FLYWCH2: variants seen among roughly 807,000 people sequenced by gnomAD.
FLYWCH2 encodes the protein FLYWCH family member 2.
FLYWCH2 carries 2 observed loss-of-function variants against 6.0 expected under a neutral mutation model. That is an observed-to-expected ratio of 0.33 (90% confidence interval 0.14 to 1.04). FLYWCH2 has a LOEUF of 1.04. FLYWCH2 is among the 50% of genes least tolerant of loss of function. The pLI is 0.45. For synonymous variants in FLYWCH2, 87 were observed against 79.3 expected, an observed-to-expected ratio of 1.10 and a Z score of -0.52; for missense variants, 192 against 183.4, an observed-to-expected ratio of 1.05 and a Z score of -0.27.
chr16:2,895,724 G>T (rs527903742), intron 2 of FLYWCH2, among the ~76,000 whole-genome samples: 1 of 152,380 alleles, frequency 6.6e-6, no homozygotes, highest in East Asian at 1.9e-4. Context: ...GCAGTGCTAT[G>T]GTCTGCAAAG....
At chr16:2,894,619 C>T (rs967744448) in intron 1 of FLYWCH2, among the ~76,000 whole-genome samples, 2 of 152,208 alleles carry the variant, frequency 1.3e-5, no homozygotes, top group Admixed American at 6.5e-5. Flanking sequence ...CGGAGGCGGA[C>T]GGATAACGCG....
At chr16:2,890,222 G>C (rs914970116) in intron 1 of FLYWCH2, among the ~76,000 whole-genome samples, 3 of 107,598 alleles carry the variant, frequency 2.8e-5, no homozygotes, top group African/African-American at 1.1e-4. Context: ...GTGTTTTTTT[G>C]TTTTTGTTTT....
chr16:2,891,704 T>G (rs2150846992), intron 1 of FLYWCH2, among the ~76,000 whole-genome samples: 1 of 149,708 alleles, frequency 6.7e-6, no homozygotes, highest in Admixed American at 6.8e-5. Flanking sequence ...GCGCCTGGCC[T>G]CTCTCTTTTA....
Position 2,899,265 on chromosome 16 carries a change from TTTC to T in FLYWCH2, c.*119_*121del, listed in dbSNP as rs1395408891. The T allele has an allele frequency of 5.9e-6, 3 of 504,474 alleles. No individual in the cohort carries two copies. The highest frequency in any genetic ancestry group is 2.4e-5 in the African/African-American group (1 of 42,502). The allele number at this position is 504,474 out of a possible 1,614,324, so 31.2% of individuals were successfully genotyped here. A position where few individuals can be genotyped will look rare whatever the true frequency, so the allele number is the denominator to read the frequency against. Reference sequence around the variant, plus strand: ...TTGCTTTTAACATTGTGTGATTTCTTTTCTTTTTTTTTTTTTTTTTAGATCAAG... The same window carrying T: ...TTGCTTTTAACATTGTGTGATTTCTTTTTTTTTTTTTTTTTTTAGATCAAG... On this transcript the variant is annotated 3_prime_UTR_variant, in exon 4 of 4. Coordinates refer to ENST00000396958, the MANE Select transcript of FLYWCH2 (RefSeq NM_138439.3).
Position 2,899,289 on chromosome 16 carries a change from TCAAGTATAAG to T in FLYWCH2, c.*141_*150del. The T allele has an allele frequency of 1.9e-6, 1 of 526,552 alleles. No homozygotes were observed. Among genetic ancestry groups the T allele is most frequent in the Non-Finnish European group, 3.3e-6 (1 of 306,646 alleles). 32.6% of individuals were successfully genotyped at this position (526,552 alleles called of 1,614,324 possible). ...TTTTCTTTTTTTTTTTTTTTTTAGATCAAGTATAAGTTACTTTTGTAAGCAGAAAAATACT... is the reference window on the plus strand; with the variant it reads ...TTTTCTTTTTTTTTTTTTTTTTAGATTTACTTTTGTAAGCAGAAAAATACT... On this transcript the variant is annotated 3_prime_UTR_variant, in exon 4 of 4. Transcript: ENST00000396958.
intron 1 of FLYWCH2, among the ~76,000 whole-genome samples, chr16:2,884,562 A>AAAAAAAAAAAAAAAC (rs2069675497): frequency 7.1e-6 from 1 of 141,520 alleles, no homozygotes; most frequent in Non-Finnish European, 1.5e-5. Context: ...CTCTACTAAA[A>AAAAAAAAAAAAAAAC]AAAAAAAAAA....
intron 3 of FLYWCH2, 47 bp from the exon 4 acceptor site, chr16:2,899,002 C>T (rs377269240): frequency 2.7e-5 from 41 of 1,517,566 alleles, no homozygotes; most frequent in Non-Finnish European, 3.4e-5. Flanking sequence ...AAGCTGAGCC[C>T]TCCCATCTCC....
intron 1 of FLYWCH2, among the ~76,000 whole-genome samples, chr16:2,888,112 A>G (rs558820061): frequency 2.0e-5 from 3 of 152,030 alleles, no homozygotes; most frequent in African/African-American, 7.2e-5. Context: ...GGGTTCTAGC[A>G]ATTCTCCTGC....
Position 2,883,215 on chromosome 16 carries a change from A to G in FLYWCH2, c.-351A>G, listed in dbSNP as rs1244584120. 2 of 152,288 alleles carry G rather than the reference A, an allele frequency of 1.3e-5. No individual in the cohort carries two copies. The highest frequency in any genetic ancestry group is 6.5e-5 in the Admixed American group (1 of 15,284). 9.4% of individuals were successfully genotyped at this position (152,288 alleles called of 1,614,324 possible). ...AAGACGCGGAGGAGCGGCCCCAGCC[A>G]GAAGACAGGGCACCCGCGGCCTTGC... On this transcript the variant is annotated 5_prime_UTR_variant, in exon 1 of 4. Coordinates refer to ENST00000396958, the MANE Select transcript of FLYWCH2 (RefSeq NM_138439.3).
At chr16:2,891,391 C>A (rs1289717524) in intron 1 of FLYWCH2, among the ~76,000 whole-genome samples, 3 of 152,122 alleles carry the variant, frequency 2.0e-5, no homozygotes, top group South Asian at 2.1e-4. Context: ...CTCTCTCTCT[C>A]TATTTTATTT....
In FLYWCH2 at chr16:2,899,145, T is replaced by G; in HGVS notation, c.419T>G (p.Leu140Arg). Residue 140 changes from leucine (L) to arginine (R), a missense_variant, in exon 4 of 4, where the codon CTG becomes CGG. Coordinates refer to ENST00000396958, the MANE Select transcript of FLYWCH2 (RefSeq NM_138439.3). The stretch of plus-strand genomic sequence containing the variant: ...TGCTCTGTGGCGCCCGGCAAGTCCC[T>G]GTAACCTTGACAACAGGCGCATCCT... The part of the protein sequence containing the change: ...APCSVAPGKS[L>R] 6.2e-7 allele frequency: 1 copy of G among 1,612,238 alleles called. No individual in the cohort carries two copies. Among genetic ancestry groups the G allele is most frequent in the Non-Finnish European group, 8.5e-7 (1 of 1,179,182 alleles).
At chr16:2,886,400 G>T in intron 1 of FLYWCH2, among the ~76,000 whole-genome samples, 1 of 150,276 alleles carries the variant, frequency 6.7e-6, no homozygotes, top group Non-Finnish European at 1.5e-5. Context: ...TAGAGACAGG[G>T]TTTCACTATG....
chr16:2,899,031 C>T lies in FLYWCH2; in HGVS notation c.323-18C>T, dbSNP rs1186992820. ...CATCTCCATTGACACCAGCCTGATCCACCCTCTTCTCTCGCAGGCACAGAC... is the reference window on the plus strand; with the variant it reads ...CATCTCCATTGACACCAGCCTGATCTACCCTCTTCTCTCGCAGGCACAGAC... On this transcript the variant is annotated intron_variant, in intron 3 of 3. Coordinates refer to ENST00000396958, the MANE Select transcript of FLYWCH2 (RefSeq NM_138439.3). The T allele has an allele frequency of 6.2e-6, 10 of 1,601,940 alleles. No individual in the cohort carries two copies. The highest frequency in any genetic ancestry group is 1.7e-4 in the Middle Eastern group (1 of 6,056).
intron 1 of FLYWCH2, among the ~76,000 whole-genome samples, chr16:2,885,130 G>T (rs1056044217): frequency 4.6e-5 from 7 of 152,092 alleles, no homozygotes; most frequent in Non-Finnish European, 8.8e-5. Flanking sequence ...AGACCATCCT[G>T]GCTAACACGG....
At chr16:2,884,310 G>T (rs1192669390) in intron 1 of FLYWCH2, among the ~76,000 whole-genome samples, 3 of 152,084 alleles carry the variant, frequency 2.0e-5, no homozygotes, top group African/African-American at 7.2e-5. Flanking sequence ...TGCGTATGAA[G>T]ATGATTCTGT....
chr16:2,895,355 G>C (rs1203927041), intron 2 of FLYWCH2, 35 bp downstream of exon 2: 1 of 152,466 alleles, frequency 6.6e-6, no homozygotes, highest in Non-Finnish European at 1.5e-5. Flanking sequence ...GGCCAGGCGC[G>C]GTGGCTCACG....
At chr16:2,887,856 C>A (rs1368040800) in intron 1 of FLYWCH2, among the ~76,000 whole-genome samples, 1 of 151,810 alleles carries the variant, frequency 6.6e-6, no homozygotes, top group Admixed American at 6.6e-5. Flanking sequence ...CATGAGCCAC[C>A]ACGCCTGGCC....
At chr16:2,896,813 C>A in intron 3 of FLYWCH2, 42 bp downstream of exon 3, 1 of 1,561,758 alleles carries the variant, frequency 6.4e-7, no homozygotes, top group Non-Finnish European at 8.6e-7. Context: ...TCGGCACCTC[C>A]CAGGGTGGCC....
chr16:2,885,353 T>G (rs1051913044), intron 1 of FLYWCH2, among the ~76,000 whole-genome samples: 3 of 151,786 alleles, frequency 2.0e-5, no homozygotes, highest in African/African-American at 7.3e-5. Flanking sequence ...AAATATACAG[T>G]TCAGTGGCTT....
Sources: gnomAD v4.1 joint callset for allele counts (sites outside exome capture counted in the v4.1 genomes callset) on GRCh38, gnomAD v4.1.1 for gene constraint, MANE v1.5 for transcripts, NCBI Gene and HGNC (gene_info 2026-07-23, HGNC 2026-07-21) for gene names.